Variants in AMMECR1 observed in about 807,000 individuals in gnomAD.
AMMECR1 encodes the protein nuclear protein AMMECR1.
A neutral mutation model predicts 22.5 loss-of-function variants in AMMECR1; 3 were observed. The ratio of observed to expected loss-of-function variants is 0.13; its 90% CI spans 0.06 to 0.35. The LOEUF (loss-of-function observed/expected upper bound fraction) is 0.35. AMMECR1 is among the 10% of genes least tolerant of loss of function. The probability of loss-of-function intolerance (pLI) is 1.00; values close to 1 mark genes in which losing one functional copy is unlikely to be tolerated. For missense variants in AMMECR1, 235 were observed against 278.7 expected, an observed-to-expected ratio of 0.84 and a Z score of 1.12; for synonymous variants, 130 against 116.7, an observed-to-expected ratio of 1.11 and a Z score of -0.74.
At chrX:110,299,948 T>C (rs2067957238) in intron 1 of AMMECR1, among the ~76,000 whole-genome samples, 1 of 112,253 alleles carries the variant, frequency 8.9e-6, no homozygotes, top group African/African-American at 3.2e-5. Context: ...GACACTTAGG[T>C]TGTTATCTTG....
upstream of AMMECR1, among the ~76,000 whole-genome samples, chrX:110,321,531 G>A (rs918614657): frequency 9.0e-6 from 1 of 111,680 alleles, no homozygotes; most frequent in African/African-American, 3.3e-5. Context: ...ATTATTTATT[G>A]TGCAGCAAAG....
chrX:110,203,068 C>T (rs2067404936), intron 3 of AMMECR1, among the ~76,000 whole-genome samples: 2 of 112,148 alleles, frequency 1.8e-5, no homozygotes, highest in South Asian at 3.7e-4. Flanking sequence ...ATAATGAAAA[C>T]AACCAGATCC....
chrX:110,342,564 G>A (rs1252489803), intron 2 of AMMECR1, among the ~76,000 whole-genome samples: 2 of 110,777 alleles, frequency 1.8e-5, no homozygotes, highest in Non-Finnish European at 3.8e-5. Flanking sequence ...TAGAGACGGG[G>A]TTTCACCATG....
At chrX:110,416,317 G>A (rs2068677148) in intron 2 of AMMECR1, among the ~76,000 whole-genome samples, 1 of 112,210 alleles carries the variant, frequency 8.9e-6, no homozygotes. Context: ...AGGGACAGAG[G>A]TATGTATTTA....
At chrX:110,251,830 G>A (rs2067687516) in intron 2 of AMMECR1, among the ~76,000 whole-genome samples, 1 of 111,587 alleles carries the variant, frequency 9.0e-6, no homozygotes, top group African/African-American at 3.3e-5. Flanking sequence ...CTGATTATGG[G>A]GTCACTGGTT....
At chrX:110,271,970 C>T (rs973075805) in intron 1 of AMMECR1, among the ~76,000 whole-genome samples, 52 of 111,387 alleles carry the variant, frequency 4.7e-4, no homozygotes, top group African/African-American at 1.7e-3. Context: ...CACGCTTGTA[C>T]TTTGGGAGGC....
intron 2 of AMMECR1, among the ~76,000 whole-genome samples, chrX:110,423,449 C>T (rs920600935): frequency 8.9e-6 from 1 of 111,992 alleles, no homozygotes; most frequent in Admixed American, 9.4e-5. Flanking sequence ...GACTTCTCTG[C>T]TAGGGTTAAT....
intron 1 of AMMECR1, among the ~76,000 whole-genome samples, chrX:110,269,228 T>A (rs2067785550): frequency 8.9e-6 from 1 of 111,734 alleles, no homozygotes; most frequent in Non-Finnish European, 1.9e-5. Context: ...CATCTACTGA[T>A]GTGAGCCAGA....
At chrX:110,230,700 A>G (rs980983514) in intron 2 of AMMECR1, among the ~76,000 whole-genome samples, 1 of 112,250 alleles carries the variant, frequency 8.9e-6, no homozygotes, top group Admixed American at 9.4e-5. Flanking sequence ...TGACAGAAGT[A>G]GGCTTCAGAA....
At chrX:110,369,979 G>A (rs1290920994) in intron 2 of AMMECR1, among the ~76,000 whole-genome samples, 1 of 110,061 alleles carries the variant, frequency 9.1e-6, no homozygotes, top group Non-Finnish European at 1.9e-5. Context: ...CCATATCTTT[G>A]ATCAGATTGA....
chrX:110,368,262 C>G (rs947761394), intron 2 of AMMECR1, among the ~76,000 whole-genome samples: 2 of 110,546 alleles, frequency 1.8e-5, no homozygotes, highest in African/African-American at 3.3e-5. Flanking sequence ...ATGTCATGCT[C>G]CTGCTCAAAA....
At chrX:110,284,240 G>C (rs755750906) in intron 1 of AMMECR1, among the ~76,000 whole-genome samples, 2 of 112,189 alleles carry the variant, frequency 1.8e-5, no homozygotes, top group East Asian at 5.7e-4. Context: ...CAGAACCAGA[G>C]GGGGGAAAAA....
chrX:110,280,047 T>C (rs766324227), intron 1 of AMMECR1, among the ~76,000 whole-genome samples: 1 of 111,847 alleles, frequency 8.9e-6, no homozygotes, highest in Non-Finnish European at 1.9e-5. Flanking sequence ...TATTGAATAT[T>C]TACTATATAC....
chrX:110,215,258 T>C (rs2067467742), intron 3 of AMMECR1, among the ~76,000 whole-genome samples: 1 of 112,027 alleles, frequency 8.9e-6, no homozygotes, highest in South Asian at 3.7e-4. Context: ...CATTGTACTC[T>C]CTGTAGAAAA....
At chrX:110,222,702 G>A (rs1422357737) in intron 2 of AMMECR1, among the ~76,000 whole-genome samples, 3 of 109,082 alleles carry the variant, frequency 2.8e-5, no homozygotes, top group Non-Finnish European at 5.7e-5. Flanking sequence ...GAAAAAAGAA[G>A]TAGGAGTCAA....
intron 1 of AMMECR1, among the ~76,000 whole-genome samples, chrX:110,427,090 T>C (rs1371490042): frequency 8.9e-6 from 1 of 111,924 alleles, no homozygotes; most frequent in African/African-American, 3.3e-5. Flanking sequence ...TCCTTGCATG[T>C]CACCTCTTTT....
At chrX:110,347,551 G>A (rs780432198) in intron 2 of AMMECR1, among the ~76,000 whole-genome samples, 1 of 112,776 alleles carries the variant, frequency 8.9e-6, no homozygotes, top group East Asian at 2.8e-4. Context: ...AATAAGGAAA[G>A]CATAATTTTG....
At chrX:110,217,196 T>TA (rs1336556638) in intron 2 of AMMECR1, among the ~76,000 whole-genome samples, 107 of 101,881 alleles carry the variant, frequency 1.1e-3, no homozygotes, top group Non-Finnish European at 9.1e-4. Flanking sequence ...TTTCTTCAAT[T>TA]AAAAAAAAAA....
chrX:110,260,080 A>G (rs1389513308), intron 2 of AMMECR1, among the ~76,000 whole-genome samples: 4 of 111,846 alleles, frequency 3.6e-5, no homozygotes, highest in African/African-American at 1.3e-4. Context: ...TGAAGTCTTG[A>G]GCAATGATAA....
Sources: allele counts gnomAD v4.1 joint callset (sites outside exome capture counted in the v4.1 genomes callset), GRCh38; gene constraint gnomAD v4.1.1; transcripts MANE v1.5; gene names NCBI Gene and HGNC (gene_info 2026-07-23, HGNC 2026-07-21).